The following MYH10 variants were observed in gnomAD, a reference collection of about 807,000 sequenced individuals.
MYH10 encodes the protein myosin heavy chain 10.
MYH10 carries 55 observed loss-of-function variants against 257.8 expected under a neutral mutation model. That is an observed-to-expected ratio of 0.21 (90% CI 0.17 to 0.27). MYH10 has a LOEUF of 0.27. MYH10 is among the 10% of genes least tolerant of loss of function. The pLI is 1.00. For missense variants in MYH10, 1,631 were observed against 2,500.6 expected, an observed-to-expected ratio of 0.65 and a Z score of 7.42; for synonymous variants, 854 against 921.7, an observed-to-expected ratio of 0.93 and a Z score of 1.33.
chr17:8,553,906 A>C lies in MYH10; in HGVS notation c.820+49T>G. The stretch of plus-strand genomic sequence containing the variant: ...AGACGGTTGCCATGGGGTTGTAGGA[A>C]GACTAAATCCTTCTTTATTTTGGAT... On this transcript the variant is annotated intron_variant, in intron 8 of 42. Transcript: ENST00000360416. 2.0e-6 allele frequency: 3 copies of C among 1,485,462 alleles called. No individual in the cohort carries two copies. In the South Asian group the frequency reaches 3.5e-5, roughly 17 times the overall value. The allele number at this position is 1,485,462 out of a possible 1,614,324, so 92.0% of individuals were successfully genotyped here.
intron 30 of MYH10, 31 bp from the exon 31 acceptor site, chr17:8,495,272 A>G (rs766217037): frequency 2.2e-6 from 3 of 1,351,434 alleles, no homozygotes; most frequent in South Asian, 1.2e-5. Flanking sequence ...AATTCAACTC[A>G]ATAGTAAGCA....
Position 8,499,316 on chromosome 17 carries a change from C to A in MYH10, c.3905G>T (p.Gly1302Val), listed in dbSNP as rs1917159507. The A allele has an allele frequency of 6.2e-7, 1 of 1,613,988 alleles. No homozygotes were observed. Among genetic ancestry groups the A allele is most frequent in the South Asian group, 1.1e-5 (1 of 91,074 alleles). ...VQELHAKVSE[G>V]DRLRVELAEK... is the part of the protein sequence containing the mutation. ...CGCCAGCTCCACCCTGAGCCTGTCG[C>A]CTTCAGAGACCTTGGCATGGAGCTC... Residue 1302 changes from glycine to valine, a missense_variant, in exon 30 of 43, where the codon GGC becomes GTC. Gly to Val is a moderately radical substitution (Grantham distance 109, BLOSUM62 -3). Transcript: ENST00000360416.
At chr17:8,518,104 CGTGTGTGTGTGTGTGTGTGT>C (rs58352961) in intron 21 of MYH10, among the ~76,000 whole-genome samples, 6 of 116,514 alleles carry the variant, frequency 5.1e-5, no homozygotes, top group South Asian at 6.4e-4. Flanking sequence ...CCCTTGGCCC[CGTGTGTGTGTGTGTGTGTGT>C]GTGTGTGTGT....
rs1168085940 is a variant in MYH10 at position 8,535,125 on chromosome 17, A to G, written c.1894+262T>C. Among the ~76,000 whole-genome samples, 1 of 152,154 alleles carries G rather than the reference A, an allele frequency of 6.6e-6. No homozygotes were observed. The highest frequency in any genetic ancestry group is 1.9e-4 in the East Asian group (1 of 5,198). On this transcript the variant is annotated intron_variant, in intron 16 of 42. Transcript: ENST00000360416. The surrounding 1 kb of genome is among the most constrained non-coding windows in gnomAD (Gnocchi z 4.3). ...CTGTGGTGGCCTAAGTCATACGTGT[A>G]CGTCTTTGTGGCTCCGGGCCTAGAA...
intron 17 of MYH10, among the ~76,000 whole-genome samples, chr17:8,530,422 G>C (rs546483784): frequency 6.6e-6 from 1 of 152,274 alleles, no homozygotes; most frequent in Admixed American, 6.5e-5. Flanking sequence ...TCAAACATTT[G>C]CCTTGAAGTA....
chr17:8,614,466 A>G (rs1235682276), intron 2 of MYH10, among the ~76,000 whole-genome samples: 11 of 151,702 alleles, frequency 7.3e-5, no homozygotes, highest in Admixed American at 5.9e-4. Flanking sequence ...CCACAGGCAC[A>G]CGCCACCACA....
At chr17:8,499,231 T>C in intron 30 of MYH10, 39 bp downstream of exon 30, 1 of 1,588,216 alleles carries the variant, frequency 6.3e-7, no homozygotes, top group Non-Finnish European at 8.6e-7. Context: ...AGGGACATGC[T>C]ACAGTGGGAC....
rs2081079448 is a variant in MYH10 at position 8,506,548 on chromosome 17, A to G, written c.3215-59T>C. On this transcript the variant is annotated intron_variant, in intron 26 of 42. Coordinates refer to ENST00000360416, the MANE Select transcript of MYH10 (RefSeq NM_001256012.3). This position sits in a 1 kb window ranked among gnomAD's most constrained non-coding sequence, Gnocchi z 5.0. Reference sequence around the variant, plus strand: ...ACCGAGTGACTCACCACAGGAATAAACTAAAATACAGACTGATCCAAGTTG... The same window carrying G: ...ACCGAGTGACTCACCACAGGAATAAGCTAAAATACAGACTGATCCAAGTTG... The G allele has an allele frequency of 2.0e-6, 3 of 1,536,688 alleles. No homozygotes were observed. The highest frequency in any genetic ancestry group is 1.4e-5 in the African/African-American group (1 of 71,490).
At chr17:8,523,586 C>G (rs1036002960) in intron 17 of MYH10, among the ~76,000 whole-genome samples, 1 of 152,036 alleles carries the variant, frequency 6.6e-6, no homozygotes, top group Admixed American at 6.6e-5. Flanking sequence ...GGAGGAGGCA[C>G]CAGTGTGAGG....
intron 16 of MYH10, among the ~76,000 whole-genome samples, chr17:8,533,816 A>T (rs2082069305): frequency 6.6e-6 from 1 of 152,180 alleles, no homozygotes; most frequent in South Asian, 2.1e-4. Context: ...CTGTGTTCTA[A>T]GACCTTACAA....
chr17:8,612,086 G>A (rs555382184), intron 2 of MYH10, among the ~76,000 whole-genome samples: 161 of 152,300 alleles, frequency 1.1e-3, no homozygotes, highest in African/African-American at 3.6e-3. Flanking sequence ...GCACAATTCC[G>A]CTCCATCGTG....
chr17:8,499,570 C>A, intron 29 of MYH10, 94 bp from the exon 30 acceptor site: 1 of 1,065,026 alleles, frequency 9.4e-7, no homozygotes, highest in Admixed American at 2.0e-5. Flanking sequence ...GTGCCTAACA[C>A]ACAGTGAGTC....
At chr17:8,554,406 G>C (rs1024433989) in intron 7 of MYH10, 1 of 148,212 alleles carries the variant, frequency 6.7e-6, no homozygotes, top group African/African-American at 2.5e-5. Context: ...TGATTTCCTA[G>C]AAAAATAGAA....
chr17:8,619,063 A>T (rs1277206274), intron 2 of MYH10, among the ~76,000 whole-genome samples: 3 of 152,236 alleles, frequency 2.0e-5, no homozygotes, highest in African/African-American at 7.2e-5. Context: ...TTTAGCTTGC[A>T]ACTCAAATAA....
chr17:8,492,940 C>A lies in MYH10; in HGVS notation c.4294G>T (p.Ala1432Ser). The A allele has an allele frequency of 6.2e-7, 1 of 1,614,148 alleles. No individual in the cohort carries two copies. Among genetic ancestry groups the A allele is most frequent in the Non-Finnish European group, 8.5e-7 (1 of 1,180,036 alleles). Residue 1432 changes from alanine to serine, a missense_variant, in exon 33 of 43, where the codon GCG becomes TCG. Ala to Ser is a moderately conservative substitution (Grantham distance 99). Transcript: ENST00000360416. Reference sequence around the variant, plus strand: ...TCCAGGCGCTGGCTCAGGGCCTCCGCGTCCTTCAGAAGCTTCTTCTTGGCT... The same window carrying A: ...TCCAGGCGCTGGCTCAGGGCCTCCGAGTCCTTCAGAAGCTTCTTCTTGGCT... The part of the protein sequence containing the change: ...EEAKKKLLKD[A>S]EALSQRLEEK...
At chr17:8,610,270 G>GAAA (rs1567977649) in intron 2 of MYH10, among the ~76,000 whole-genome samples, 3 of 8,032 alleles carry the variant, frequency 3.7e-4, no homozygotes, top group African/African-American at 5.6e-3. Flanking sequence ...CCATAGGATT[G>GAAA]CAAAAAAAAA....
intron 4 of MYH10, among the ~76,000 whole-genome samples, chr17:8,587,600 A>AC (rs2083958001): frequency 6.6e-6 from 1 of 151,828 alleles, no homozygotes; most frequent in Admixed American, 6.6e-5. Context: ...CCCCACTAGG[A>AC]CCTCACTGTG....
At chr17:8,485,591 C>G (rs1227263894) in intron 36 of MYH10, among the ~76,000 whole-genome samples, 4 of 151,554 alleles carry the variant, frequency 2.6e-5, no homozygotes, top group African/African-American at 9.7e-5. Context: ...TGTTTAACCT[C>G]ATTAGTCATT....
chr17:8,600,681 A>C (rs1485271476), intron 3 of MYH10, among the ~76,000 whole-genome samples: 1 of 152,130 alleles, frequency 6.6e-6, no homozygotes, highest in African/African-American at 2.4e-5. Flanking sequence ...GTGAGAGAGG[A>C]ACCAAGAAGA....
Sources: allele counts gnomAD v4.1 joint callset (sites outside exome capture counted in the v4.1 genomes callset), GRCh38; gene constraint gnomAD v4.1.1; non-coding constraint Gnocchi (gnomAD v3.1); transcripts MANE v1.5; gene names NCBI Gene and HGNC (gene_info 2026-07-23, HGNC 2026-07-21).